Variants in KDM5A observed in about 807,000 individuals in gnomAD.
KDM5A encodes the protein lysine-specific demethylase 5A.
KDM5A carries 42 observed loss-of-function variants against 193.5 expected under a neutral mutation model. The observed-to-expected ratio is 0.22, with a 90% CI of 0.17 to 0.28. The LOEUF (loss-of-function observed/expected upper bound fraction) is 0.28. Ranked by LOEUF, KDM5A falls within the 10% of genes least tolerant of loss-of-function variation. The probability of loss-of-function intolerance (pLI) is 1.00; values close to 1 mark genes in which losing one functional copy is unlikely to be tolerated. For synonymous variants in KDM5A, 796 were observed against 718.1 expected (o/e 1.11, Z -1.73); for missense variants, 1,692 against 2,055.1 (o/e 0.82, Z 3.42).
intron 27 of KDM5A, among the ~76,000 whole-genome samples, chr12:291,274 T>C (rs1234167429): frequency 1.3e-5 from 2 of 152,186 alleles, no homozygotes; most frequent in African/African-American, 2.4e-5. Context: ...CTATAGGATA[T>C]ATATTTTACT....
intron 26 of KDM5A, 77 bp downstream of exon 26, chr12:295,496 C>T: frequency 2.2e-6 from 3 of 1,384,432 alleles, no homozygotes; most frequent in Non-Finnish European, 3.1e-6. Flanking sequence ...CACCCCTTTG[C>T]CAACATTTAT....
chr12:295,385 A>AGGAGGGAGGGAGGCAG (rs1555126457), intron 26 of KDM5A, among the ~76,000 whole-genome samples, 188 bp downstream of exon 26: 1 of 151,674 alleles, frequency 6.6e-6, no homozygotes. Context: ...AGAGGGAGGA[A>AGGAGGGAGGGAGGCAG]GGAGGGAGGG....
At position 307,786 on chromosome 12, in the gene KDM5A, C is replaced by T; in HGVS notation, c.3598G>A (p.Gly1200Arg). ...ACTTCTTTAGCTTGCCAGCTGGATCCTTTTTTTTGGGAACTTGATTTAGGA... is the reference window on the plus strand; with the variant it reads ...ACTTCTTTAGCTTGCCAGCTGGATCTTTTTTTTTGGGAACTTGATTTAGGA... ...PLPKSSSQKK[G>R]SSWQAKEVKF... Residue 1200 changes from glycine to arginine, a missense_variant, in exon 23 of 28, where the codon GGA becomes AGA. Gly to Arg is a moderately radical substitution (Grantham distance 125). This residue lies in a region of KDM5A where 965 missense variants were observed against 1,061.0 expected (regional missense o/e 0.91). Coordinates refer to ENST00000399788, the MANE Select transcript of KDM5A (RefSeq NM_001042603.3). This position sits in a 1 kb window ranked among gnomAD's most constrained non-coding sequence, Gnocchi z 4.3. 6.2e-7 allele frequency: 1 copy of T among 1,613,818 alleles called. No homozygotes were observed. The highest frequency in any genetic ancestry group is 8.5e-7 in the Non-Finnish European group (1 of 1,179,872).
chr12:338,999 G>A (rs1026370211), intron 10 of KDM5A, among the ~76,000 whole-genome samples: 3 of 152,020 alleles, frequency 2.0e-5, no homozygotes, highest in African/African-American at 4.8e-5. Context: ...GACCAACATG[G>A]AGAAACCCCA....
rs746875403 is a variant in KDM5A, at chr12:293,186, T to G, written c.4456-17A>C. The G allele has an allele frequency of 6.2e-7, 1 of 1,601,216 alleles. No homozygotes were observed. The highest frequency in any genetic ancestry group is 8.5e-7 in the Non-Finnish European group (1 of 1,170,308). On this transcript the variant is annotated splice_polypyrimidine_tract_variant and intron_variant, in intron 26 of 27. Transcript: ENST00000399788. ...GCTGTCATCCTTCAAAAATATAAAT[T>G]TAGGAACAATTTTAAAGCAAGACAG... is the stretch of plus-strand genomic sequence containing the variant.
chr12:324,263 C>T (rs1214586397), intron 14 of KDM5A, among the ~76,000 whole-genome samples: 3 of 151,946 alleles, frequency 2.0e-5, no homozygotes, highest in African/African-American at 7.3e-5. Context: ...TACTGCTGCA[C>T]TCCAACCCCA....
Position 350,559 on chromosome 12 carries a change from T to C in KDM5A, c.1308+62A>G. On this transcript the variant is annotated intron_variant, in intron 10 of 27. Transcript: ENST00000399788. ...TTTAAGTTAATGTGATCCCTTAAGATAGTTTTCAATGCAAAAGCTAAATCA... is the reference window on the plus strand; with the variant it reads ...TTTAAGTTAATGTGATCCCTTAAGACAGTTTTCAATGCAAAAGCTAAATCA... 2.6e-6 allele frequency: 4 copies of C among 1,510,872 alleles called. No individual in the cohort carries two copies. In the South Asian group the frequency reaches 3.4e-5, roughly 13 times the overall value. The allele number at this position is 1,510,872 out of a possible 1,614,324, so 93.6% of individuals were successfully genotyped here.
At chr12:333,163 A>G (rs562273217) in intron 12 of KDM5A, 134 of 378,854 alleles carry the variant, frequency 3.5e-4, no homozygotes, top group South Asian at 3.3e-3. Flanking sequence ...TCACACCTGT[A>G]ATCCCAACAC....
At position 318,348 on chromosome 12, in the gene KDM5A, A is replaced by G. The variant is rs765514376; in HGVS notation, c.2655T>C (p.Tyr885=). The part of the protein sequence containing the change: ...QMLIDMGSSL[Y]VELPELPRLK... ...GTCGTGGTAATTCAGGGAGTTCCACATAGAGACTAGAGCCCATATCTATCA... is the reference window on the plus strand; with the variant it reads ...GTCGTGGTAATTCAGGGAGTTCCACGTAGAGACTAGAGCCCATATCTATCA... Residue 885 remains tyrosine, a synonymous_variant, in exon 19 of 28, where the codon TAT becomes TAC. Coordinates refer to ENST00000399788, the MANE Select transcript of KDM5A (RefSeq NM_001042603.3). 5 of 1,614,204 alleles carry G rather than the reference A, an allele frequency of 3.1e-6. No homozygotes were observed. Among genetic ancestry groups the G allele is most frequent in the South Asian group, 1.1e-5 (1 of 91,078 alleles).
chr12:353,524 G>A (rs2137453361), intron 8 of KDM5A, among the ~76,000 whole-genome samples: 1 of 152,148 alleles, frequency 6.6e-6, no homozygotes, highest in Admixed American at 6.5e-5. Flanking sequence ...CTCATTATCT[G>A]CAGCAATAAA....
chr12:359,633 C>G (rs1944269162), intron 5 of KDM5A, among the ~76,000 whole-genome samples: 2 of 151,262 alleles, frequency 1.3e-5, no homozygotes, highest in Non-Finnish European at 2.9e-5. Context: ...TCCCAGCTAC[C>G]TGGGAGGCTG....
At chr12:299,132 T>C (rs1943409236) in intron 24 of KDM5A, among the ~76,000 whole-genome samples, 1 of 152,130 alleles carries the variant, frequency 6.6e-6, no homozygotes, top group Non-Finnish European at 1.5e-5. Flanking sequence ...CTTCAGGATA[T>C]TATCCAGGAG....
chr12:307,405 C>T lies in KDM5A; in HGVS notation c.3930+49G>A. On this transcript the variant is annotated intron_variant, in intron 23 of 27. Transcript: ENST00000399788. The surrounding 1 kb of genome is among the most constrained non-coding windows in gnomAD (Gnocchi z 4.3). ...AGACAGACTCAATTTACTATTTATA[C>T]ACTGACATATCCCATGAAATAGAAA... The T allele has an allele frequency of 1.3e-6, 2 of 1,552,288 alleles. No homozygotes were observed. Among genetic ancestry groups the T allele is most frequent in the Non-Finnish European group, 1.8e-6 (2 of 1,125,636 alleles).
At chr12:339,683 A>G (rs1943976797) in intron 10 of KDM5A, among the ~76,000 whole-genome samples, 1 of 152,168 alleles carries the variant, frequency 6.6e-6, no homozygotes, top group Non-Finnish European at 1.5e-5. Context: ...TTGGAAGACA[A>G]ATAAAAGTTA....
intron 5 of KDM5A, 75 bp from the exon 6 acceptor site, chr12:356,612 T>C: frequency 1.1e-6 from 1 of 917,178 alleles, no homozygotes; most frequent in African/African-American, 1.6e-5. Flanking sequence ...AAGGAAAGTT[T>C]CAGAATCCTC....
chr12:346,144 C>A (rs955191017), intron 10 of KDM5A, among the ~76,000 whole-genome samples: 2 of 152,128 alleles, frequency 1.3e-5, no homozygotes, highest in Non-Finnish European at 2.9e-5. Context: ...AACACCTCTA[C>A]ACAAATAAAC....
At chr12:318,678 C>A (rs1044915798) in intron 18 of KDM5A, among the ~76,000 whole-genome samples, 3 of 152,160 alleles carry the variant, frequency 2.0e-5, no homozygotes, top group African/African-American at 7.2e-5. Flanking sequence ...TTGATTCATT[C>A]AATAAATATT....
chr12:292,724 C>T, intron 27 of KDM5A, 35 bp downstream of exon 27: 1 of 1,614,040 alleles, frequency 6.2e-7, no homozygotes, highest in African/African-American at 1.3e-5. Flanking sequence ...TGCTCCTTGA[C>T]CTCTCATGCT....
intron 3 of KDM5A, among the ~76,000 whole-genome samples, chr12:372,892 G>A (rs542000946): frequency 5.2e-4 from 79 of 152,252 alleles, no homozygotes; most frequent in African/African-American, 1.5e-3. Flanking sequence ...GCTGGATTAC[G>A]TTTATTGATT....
Sources: gnomAD v4.1 joint callset for allele counts (sites outside exome capture counted in the v4.1 genomes callset) on GRCh38, gnomAD v4.1.1 for gene constraint, gnomAD v4.1.1 regional missense constraint, Gnocchi (gnomAD v3.1) non-coding constraint, MANE v1.5 for transcripts, NCBI Gene and HGNC (gene_info 2026-07-23, HGNC 2026-07-21) for gene names.